The following TSHZ3 variants were observed in gnomAD, a reference collection of about 807,000 sequenced individuals.
TSHZ3 encodes teashirt homolog 3.
TSHZ3 carries 10 observed loss-of-function variants against 64.5 expected under a neutral mutation model. That is an observed-to-expected ratio of 0.16 (90% confidence interval 0.10 to 0.26). TSHZ3 has a LOEUF of 0.26. Ranked by LOEUF, TSHZ3 falls within the 10% of genes least tolerant of loss-of-function variation. The pLI, the probability that TSHZ3 is intolerant of heterozygous loss-of-function variation, is 1.00. For synonymous variants in TSHZ3, 608 were observed against 593.1 expected (o/e 1.03, Z -0.36); for missense variants, 1,242 against 1,421.7 (o/e 0.87, Z 2.03).
intron 1 of TSHZ3, among the ~76,000 whole-genome samples, chr19:31,338,231 G>A (rs897327346): frequency 2.6e-5 from 4 of 152,206 alleles, no homozygotes; most frequent in East Asian, 1.9e-4. Context: ...ACCAGGCTGC[G>A]TCCCTGAGTA....
intron 1 of TSHZ3, among the ~76,000 whole-genome samples, chr19:31,289,594 C>T (rs574780567): frequency 1.3e-5 from 2 of 152,272 alleles, no homozygotes; most frequent in East Asian, 1.9e-4. Flanking sequence ...GATTCAGTCC[C>T]GCTCCATCCC....
chr19:31,216,476 A>C (rs1184526832), intron 4 of TSHZ3, among the ~76,000 whole-genome samples: 2 of 150,742 alleles, frequency 1.3e-5, no homozygotes, highest in East Asian at 3.9e-4. Context: ...TTTTTGAGAC[A>C]GAGTCTCCGT....
At chr19:31,168,535 A>T (rs1974488924) in intron 5 of TSHZ3, among the ~76,000 whole-genome samples, 1 of 152,194 alleles carries the variant, frequency 6.6e-6, no homozygotes, top group African/African-American at 2.4e-5. Context: ...CCTGAATTCC[A>T]CTTGGAAAAT....
At chr19:31,155,688 C>T (rs925753442) in intron 6 of TSHZ3, among the ~76,000 whole-genome samples, 3 of 152,166 alleles carry the variant, frequency 2.0e-5, no homozygotes, top group African/African-American at 7.2e-5. Context: ...GGCTTTCAGA[C>T]ACACACCCAA....
intron 5 of TSHZ3, among the ~76,000 whole-genome samples, chr19:31,170,163 A>G (rs1364380516): frequency 6.6e-6 from 1 of 152,026 alleles, no homozygotes; most frequent in African/African-American, 2.4e-5. Context: ...ACAGGGATGT[A>G]TTTTCTCACA....
intron 1 of TSHZ3, among the ~76,000 whole-genome samples, chr19:31,331,705 T>G (rs1167993537): frequency 6.6e-6 from 1 of 152,210 alleles, no homozygotes; most frequent in Non-Finnish European, 1.5e-5. Flanking sequence ...TCTGGGTACC[T>G]TATGTTCACC....
At chr19:31,203,633 A>G (rs545421932) in intron 5 of TSHZ3, among the ~76,000 whole-genome samples, 1 of 152,252 alleles carries the variant, frequency 6.6e-6, no homozygotes, top group East Asian at 1.9e-4. Flanking sequence ...ACACAGACCC[A>G]GTGAAGAAAC....
At chr19:31,229,562 T>C (rs1975512935) in intron 3 of TSHZ3, among the ~76,000 whole-genome samples, 1 of 152,250 alleles carries the variant, frequency 6.6e-6, no homozygotes, top group Non-Finnish European at 1.5e-5. Flanking sequence ...TGCATGTTTA[T>C]CTGATCTTGT....
intron 1 of TSHZ3, among the ~76,000 whole-genome samples, chr19:31,295,041 A>T (rs746925953): frequency 1.2e-4 from 19 of 152,204 alleles, no homozygotes; most frequent in Non-Finnish European, 2.4e-4. Context: ...TAACAAAAAA[A>T]CCCCTCTATG....
chr19:31,176,233 G>A (rs1249986564), intron 5 of TSHZ3, among the ~76,000 whole-genome samples: 1 of 152,182 alleles, frequency 6.6e-6, no homozygotes, highest in Non-Finnish European at 1.5e-5. Context: ...CAGAAGTCCT[G>A]TAGATCCATC....
intron 4 of TSHZ3, among the ~76,000 whole-genome samples, chr19:31,211,408 C>T (rs559821673): frequency 9.9e-5 from 15 of 152,246 alleles, no homozygotes; most frequent in African/African-American, 2.4e-4. Flanking sequence ...CTACAGCAGA[C>T]GCAGAAGGGA....
At chr19:31,308,830 T>G in intron 1 of TSHZ3, 1 of 395,450 alleles carries the variant, frequency 2.5e-6, no homozygotes, top group Non-Finnish European at 4.5e-6. Flanking sequence ...GGGCTTCATT[T>G]GAAATGAGAG....
At chr19:31,346,977 G>A (rs943670737) in intron 1 of TSHZ3, among the ~76,000 whole-genome samples, 2 of 151,924 alleles carry the variant, frequency 1.3e-5, no homozygotes, top group African/African-American at 4.8e-5. Context: ...AAGAAATAAA[G>A]CACTCATGCT....
chr19:31,232,429 C>T (rs1975553689), intron 3 of TSHZ3, among the ~76,000 whole-genome samples: 1 of 152,186 alleles, frequency 6.6e-6, no homozygotes, highest in Non-Finnish European at 1.5e-5. Context: ...GTGGCTGTAG[C>T]TCAGCTCCAC....
chr19:31,246,229 A>G (rs1975756415), intron 1 of TSHZ3, among the ~76,000 whole-genome samples: 1 of 152,222 alleles, frequency 6.6e-6, no homozygotes, highest in Admixed American at 6.5e-5. Flanking sequence ...CTGTGGGTGT[A>G]TAAGGCTCAG....
chr19:31,347,385 T>C (rs2021549338), intron 1 of TSHZ3, among the ~76,000 whole-genome samples: 1 of 151,800 alleles, frequency 6.6e-6, no homozygotes, highest in Non-Finnish European at 1.5e-5. Context: ...GAACCAAATG[T>C]AAAGATGTAA....
At chr19:31,191,450 T>C (rs1462831523) in intron 5 of TSHZ3, among the ~76,000 whole-genome samples, 1 of 152,188 alleles carries the variant, frequency 6.6e-6, no homozygotes, top group East Asian at 1.9e-4. Flanking sequence ...AAAACTATCC[T>C]TGAAAAATGT....
chr19:31,160,348 G>A (rs1974359890), intron 5 of TSHZ3, among the ~76,000 whole-genome samples: 1 of 152,136 alleles, frequency 6.6e-6, no homozygotes, highest in Non-Finnish European at 1.5e-5. Flanking sequence ...AAACAACAAC[G>A]CTCTGCGGTC....
intron 5 of TSHZ3, among the ~76,000 whole-genome samples, chr19:31,203,539 A>T (rs1273559249): frequency 1.3e-5 from 2 of 152,046 alleles, no homozygotes. Flanking sequence ...TTATGCTAGG[A>T]GCTGTTAGGC....
Sources: allele counts gnomAD v4.1 joint callset (sites outside exome capture counted in the v4.1 genomes callset), GRCh38; gene constraint gnomAD v4.1.1; transcripts MANE v1.5; gene names NCBI Gene and HGNC (gene_info 2026-07-23, HGNC 2026-07-21).